CLCN6: variants seen among roughly 807,000 people sequenced by gnomAD.
The protein encoded by CLCN6 is Cl-/H+ antiporter 6, also known as H(+)/Cl(-) exchange transporter 6.
In CLCN6, 70 loss-of-function variants were observed where a neutral mutation model predicts 109.8. That is an observed-to-expected ratio of 0.64 (90% confidence interval 0.53 to 0.78). The LOEUF is 0.78. Ranked by LOEUF, CLCN6 falls within the 30% of genes least tolerant of loss-of-function variation. The pLI, the probability that CLCN6 is intolerant of heterozygous loss-of-function variation, is 0.00. For missense variants in CLCN6, 984 were observed against 1,142.3 expected (o/e 0.86, Z 2.00); for synonymous variants, 444 against 447.8 (o/e 0.99, Z 0.11).
rs1464487665 is a variant in CLCN6 at position 11,836,100 on chromosome 1, G to T, written c.1927G>T (p.Glu643Ter). 6.2e-7 allele frequency: 1 copy of T among 1,613,800 alleles called. No homozygotes were observed. The highest frequency in any genetic ancestry group is 8.5e-7 in the Non-Finnish European group (1 of 1,179,958). The change falls in exon 18 of 23, where the codon GAG becomes TAG. Residue 643 changes from glutamate (E) to a stop codon, truncating the protein, a stop_gained. Coordinates refer to ENST00000346436, the MANE Select transcript of CLCN6 (RefSeq NM_001286.5). LOFTEE classifies it high-confidence loss of function. ...GGTGGTCACAGAGAACCGCGGTAAC[G>T]AGAAGGAGTTCATGAAGGGCAACCA... ...FPVVTENRGN[E>*]KEFMKGNQLI...
Position 11,833,909 on chromosome 1 carries a change from T to G in CLCN6, c.1405T>G (p.Phe469Val), listed in dbSNP as rs757904618. 1.9e-6 allele frequency: 3 copies of G among 1,613,286 alleles called. No individual in the cohort carries two copies. In the East Asian group the frequency reaches 6.7e-5, roughly 36 times the overall value. The change falls in exon 15 of 23, where the codon TTC becomes GTC. Residue 469 changes from phenylalanine (F) to valine (V), a missense_variant. Transcript: ENST00000346436. ...CAGCCCCGTCACTCTGGCCTTGTTC[T>G]TCGTTCTCTATTTCTTGCTTGCATG... ...TFSPVTLALF[F>V]VLYFLLACWT...
chr1:11,830,741 AT>A lies in CLCN6; in HGVS notation c.1248+1420del, dbSNP rs1644869722. Reference sequence around the variant, plus strand: ...GTCCCCAGTTATATGTATATATTATATATATATATATATATATATATATACA... The same window carrying A: ...GTCCCCAGTTATATGTATATATTATAATATATATATATATATATATATACA... On this transcript the variant is annotated intron_variant, in intron 13 of 22. Coordinates refer to ENST00000346436, the MANE Select transcript of CLCN6 (RefSeq NM_001286.5). Among the ~76,000 whole-genome samples, 7 of 50,058 alleles carry A rather than the reference AT, an allele frequency of 1.4e-4. 1 individual carries two copies. The highest frequency in any genetic ancestry group is 5.7e-4 in the African/African-American group (6 of 10,600). The allele number at this position is 50,058 out of a possible 152,430, so 32.8% of individuals were successfully genotyped here.
In CLCN6 at chr1:11,834,203, C is replaced by G. The variant is rs778111725; in HGVS notation, c.1527-33C>G. 1.9e-6 allele frequency: 3 copies of G among 1,603,336 alleles called. No individual in the cohort carries two copies. The Admixed American group carries it at 5.1e-5, about 27-fold the overall frequency. ...CTCCCCACAGCCTATCAGTGTGGTT[C>G]AAAGCCATGTTCTCGGTGTTTTCCT... On this transcript the variant is annotated intron_variant, in intron 15 of 22. Coordinates refer to ENST00000346436, the MANE Select transcript of CLCN6 (RefSeq NM_001286.5). This position sits in a 1 kb window ranked among gnomAD's most constrained non-coding sequence, Gnocchi z 4.5.
chr1:11,808,663 C>A (rs974001174), intron 2 of CLCN6, among the ~76,000 whole-genome samples: 1 of 146,242 alleles, frequency 6.8e-6, no homozygotes, highest in Non-Finnish European at 1.5e-5. Context: ...CTCTTTTAAT[C>A]TGTAGCTTCT....
At chr1:11,827,273 G>T in intron 10 of CLCN6, 52 bp downstream of exon 10, 1 of 1,573,446 alleles carries the variant, frequency 6.4e-7, no homozygotes, top group Non-Finnish European at 8.7e-7. Context: ...AATTACACTG[G>T]GTGTCCCTTA....
At chr1:11,822,551 C>A (rs1339645923) in intron 5 of CLCN6, 144 bp from the exon 6 acceptor site, 1 of 550,578 alleles carries the variant, frequency 1.8e-6, no homozygotes, top group Non-Finnish European at 3.3e-6. Flanking sequence ...TCATCTCAGG[C>A]AGTTTTTAAA....
chr1:11,823,887 G>A (rs1243830267), intron 7 of CLCN6, 54 bp downstream of exon 7: 1 of 1,604,172 alleles, frequency 6.2e-7, no homozygotes, highest in Non-Finnish European at 8.5e-7. Context: ...GAGACGACAA[G>A]AAGCATGATG....
intron 2 of CLCN6, among the ~76,000 whole-genome samples, chr1:11,808,723 A>AC (rs57441762): frequency 0.099 from 14,723 of 148,056 alleles, 783 homozygotes; most frequent in South Asian, 0.16. Flanking sequence ...CATAATTAGG[A>AC]CCTGGGATTT....
At chr1:11,817,456 G>A (rs566656908) in intron 4 of CLCN6, among the ~76,000 whole-genome samples, 4 of 152,198 alleles carry the variant, frequency 2.6e-5, no homozygotes, top group South Asian at 2.1e-4. Flanking sequence ...GGATATGCCC[G>A]TATGAACAGA....
intron 5 of CLCN6, chr1:11,820,320 T>C: frequency 1.4e-6 from 1 of 710,674 alleles, no homozygotes; most frequent in South Asian, 1.5e-5. Context: ...GGGTGATCCA[T>C]ATGGAAAAAT....
Position 11,827,107 on chromosome 1 carries a change from A to G in CLCN6, c.726A>G (p.Val242=), listed in dbSNP as rs1644821291. 8 of 1,613,764 alleles carry G rather than the reference A, an allele frequency of 5.0e-6. No individual in the cohort carries two copies. The highest frequency in any genetic ancestry group is 1.3e-5 in the African/African-American group (1 of 74,878). The change falls in exon 10 of 23, where the codon GTA becomes GTG. Residue 242 remains valine (V), a synonymous_variant. Transcript: ENST00000346436. ...TCCTCAGAGACAAGAGAGACTTTGT[A>G]TCAGCAGGAGCGGCTGCTGGAGTTG... ...FRSDRDKRDF[V]SAGAAAGVAA...
chr1:11,826,983 T>C, intron 9 of CLCN6, 106 bp from the exon 10 acceptor site: 1 of 1,413,984 alleles, frequency 7.1e-7, no homozygotes, highest in Non-Finnish European at 9.6e-7. Flanking sequence ...GATCCCTGCC[T>C]ATTCATTCAC....
In CLCN6 at chr1:11,834,519, C is replaced by T. The variant is rs991608250; in HGVS notation, c.1722C>T (p.Gly574=). 5.6e-6 allele frequency: 9 copies of T among 1,613,998 alleles called. No individual in the cohort carries two copies. In the Admixed American group the frequency reaches 1.2e-4, roughly 21 times the overall value. The part of the protein sequence containing the change: ...AKWTGDFFNK[G]IYDIHVGLRG... ...GGACAGGGGACTTTTTCAATAAGGGCATTTATGATATCCACGTGGGCCTGC... is the reference window on the plus strand; with the variant it reads ...GGACAGGGGACTTTTTCAATAAGGGTATTTATGATATCCACGTGGGCCTGC... Residue 574 remains glycine, a synonymous_variant, in exon 17 of 23, where the codon GGC becomes GGT. Coordinates refer to ENST00000346436, the MANE Select transcript of CLCN6 (RefSeq NM_001286.5). This position sits in a 1 kb window ranked among gnomAD's most constrained non-coding sequence, Gnocchi z 4.5.
At chr1:11,817,532 A>T (rs763978980) in intron 4 of CLCN6, among the ~76,000 whole-genome samples, 2 of 152,218 alleles carry the variant, frequency 1.3e-5, no homozygotes, top group Non-Finnish European at 2.9e-5. Flanking sequence ...ATGGCCAAAG[A>T]TGAGGATAGC....
intron 9 of CLCN6, 76 bp downstream of exon 9, chr1:11,826,290 C>A (rs1048702469): frequency 1.6e-6 from 2 of 1,222,452 alleles, no homozygotes; most frequent in Non-Finnish European, 2.4e-6. Context: ...TCGACACTTG[C>A]TCTAGCCTGG....
intron 8 of CLCN6, among the ~76,000 whole-genome samples, chr1:11,824,817 A>G (rs1396322919): frequency 2.0e-5 from 3 of 152,212 alleles, no homozygotes; most frequent in South Asian, 4.1e-4. Context: ...GGGTGCTTCC[A>G]TAGCCATCAC....
At position 11,834,005 on chromosome 1, in the gene CLCN6, C is replaced by A. The variant is rs147341529; in HGVS notation, c.1501C>A (p.Arg501Ser). 21 of 1,614,072 alleles carry A rather than the reference C, an allele frequency of 1.3e-5. 1 individual carries two copies. The South Asian group carries it at 2.3e-4, about 18-fold the overall frequency. ...TCTGCTGTGTGGAGCTGCTTTTGGACGTTTAGTTGCCAATGTCCTAAAAAG... is the reference window on the plus strand; with the variant it reads ...TCTGCTGTGTGGAGCTGCTTTTGGAAGTTTAGTTGCCAATGTCCTAAAAAG... ...PSLLCGAAFGRLVANVLKSYI... is the reference protein window; with the variant it reads ...PSLLCGAAFGSLVANVLKSYI... Residue 501 changes from arginine to serine, a missense_variant, in exon 15 of 23, where the codon CGT becomes AGT. Coordinates refer to ENST00000346436, the MANE Select transcript of CLCN6 (RefSeq NM_001286.5). The surrounding 1 kb of genome is among the most constrained non-coding windows in gnomAD (Gnocchi z 4.5).
rs747422495 is a variant in CLCN6 at position 11,838,397 on chromosome 1, C to A, written c.2358C>A (p.Asp786Glu). The change falls in exon 21 of 23, where the codon GAC (aspartate) becomes GAA (glutamate). Residue 786 changes from aspartate (D) to glutamate (E), a missense_variant. Asp to Glu is a conservative substitution (Grantham distance 45, BLOSUM62 2). Transcript: ENST00000346436. ...CCGAGGACTACCCGCGGTACCCCGA[C>A]ATCCACGACCTGGACCTGACGCTGC... ...EMAEDYPRYP[D>E]IHDLDLTLLN... The A allele has an allele frequency of 6.2e-7, 1 of 1,614,168 alleles. No individual in the cohort carries two copies. Among genetic ancestry groups the A allele is most frequent in the East Asian group, 2.2e-5 (1 of 44,886 alleles).
In CLCN6 at chr1:11,834,989, A is replaced by C. The variant is rs1250045600; in HGVS notation, c.1793+399A>C. The stretch of plus-strand genomic sequence containing the variant: ...ACTGCCAGCCGGGATTGTTCTGGGC[A>C]TAATCACCTCATAACCCACCTGCTA... On this transcript the variant is annotated intron_variant, in intron 17 of 22. Transcript: ENST00000346436. The surrounding 1 kb of genome is among the most constrained non-coding windows in gnomAD (Gnocchi z 4.5). Among the ~76,000 whole-genome samples the C allele has an allele frequency of 6.6e-6, 1 of 152,218 alleles. No homozygotes were observed. Among genetic ancestry groups the C allele is most frequent in the Non-Finnish European group, 1.5e-5 (1 of 68,038 alleles).
Sources: gnomAD v4.1 joint callset for allele counts (sites outside exome capture counted in the v4.1 genomes callset) on GRCh38, gnomAD v4.1.1 for gene constraint, Gnocchi (gnomAD v3.1) non-coding constraint, MANE v1.5 for transcripts, NCBI Gene and HGNC (gene_info 2026-07-23, HGNC 2026-07-21) for gene names.